The following FOCAD variants were observed in gnomAD, a reference collection of about 807,000 sequenced individuals.
FOCAD encodes KIAA1797.
FOCAD carries 198 observed loss-of-function variants against 225.6 expected under a neutral mutation model. The observed-to-expected ratio is 0.88, with a 90% confidence interval of 0.78 to 0.99. The LOEUF (loss-of-function observed/expected upper bound fraction) is 0.99. Ranked by LOEUF, FOCAD falls within the 50% of genes least tolerant of loss-of-function variation. FOCAD has a pLI of 0.00. For missense variants in FOCAD, 2,713 were observed against 2,123.6 expected (o/e 1.28, Z -5.46); for synonymous variants, 897 against 755.0 (o/e 1.19, Z -3.08).
intron 4 of FOCAD, among the ~76,000 whole-genome samples, chr9:20,721,891 C>CA: frequency 2.0e-3 from 1 of 512 alleles, no homozygotes. Flanking sequence ...TCCCCTTCCT[C>CA]CCCCTCCCCT....
chr9:20,720,641 T>C, intron 4 of FOCAD, 107 bp downstream of exon 4: 1 of 1,129,750 alleles, frequency 8.9e-7, no homozygotes, highest in Non-Finnish European at 1.3e-6. Context: ...CAGTTGTTTT[T>C]CTTGCTCTTA....
intron 11 of FOCAD, among the ~76,000 whole-genome samples, chr9:20,813,591 A>G (rs1823319757): frequency 6.6e-6 from 1 of 152,158 alleles, no homozygotes; most frequent in Admixed American, 6.6e-5. Flanking sequence ...TGTGGTTGGA[A>G]AGGGTACTTA....
chr9:20,737,107 C>T (rs762379458), intron 4 of FOCAD, among the ~76,000 whole-genome samples: 3 of 150,254 alleles, frequency 2.0e-5, no homozygotes, highest in Non-Finnish European at 4.5e-5. Context: ...GAAAATACAG[C>T]ATTGACTCCG....
intron 38 of FOCAD, 52 bp from the exon 39 acceptor site, chr9:20,982,305 G>C (rs2132634442): frequency 8.0e-7 from 1 of 1,249,882 alleles, no homozygotes; most frequent in South Asian, 1.3e-5. Flanking sequence ...AGAACATTTT[G>C]ACCTGTTATT....
At chr9:20,973,709 C>G (rs1198713957) in intron 35 of FOCAD, among the ~76,000 whole-genome samples, 1 of 151,614 alleles carries the variant, frequency 6.6e-6, no homozygotes, top group Admixed American at 6.6e-5. Flanking sequence ...CCCTACTTCC[C>G]TCTTCTTTCA....
intron 15 of FOCAD, among the ~76,000 whole-genome samples, chr9:20,836,894 T>G (rs1191609765): frequency 6.6e-6 from 1 of 152,116 alleles, no homozygotes; most frequent in East Asian, 1.9e-4. Context: ...TTGATTGTTT[T>G]ATTAAGAAAA....
intron 36 of FOCAD, among the ~76,000 whole-genome samples, chr9:20,976,889 G>T (rs1840277893): frequency 6.6e-6 from 1 of 152,126 alleles, no homozygotes; most frequent in Admixed American, 6.6e-5. Flanking sequence ...TACCATGTGG[G>T]ATGCTGTATT....
chr9:20,929,602 G>A lies in FOCAD; in HGVS notation c.3317+6G>A. 1.2e-6 allele frequency: 2 copies of A among 1,610,034 alleles called. No homozygotes were observed. The highest frequency in any genetic ancestry group is 1.1e-5 in the South Asian group (1 of 90,720). On this transcript the variant is annotated splice_donor_region_variant and intron_variant, in intron 27 of 43. Coordinates refer to ENST00000338382, the MANE Select transcript of FOCAD (RefSeq NM_001375567.1). The stretch of plus-strand genomic sequence containing the variant: ...TTGTGTGAAGAGAAACTCAGGTACA[G>A]TTTATTAAAATATTCCTGCTTTTCT...
In FOCAD at chr9:20,976,566, T is replaced by C. The variant is rs777575680; in HGVS notation, c.4261+18T>C. On this transcript the variant is annotated intron_variant, in intron 36 of 43. Transcript: ENST00000338382. Reference sequence around the variant, plus strand: ...AAATTTTGGTAAATATCATGTGTTTTTAAGTCTTCAGACTTTGATTTTAGT... The same window carrying C: ...AAATTTTGGTAAATATCATGTGTTTCTAAGTCTTCAGACTTTGATTTTAGT... The C allele has an allele frequency of 8.1e-6, 13 of 1,610,726 alleles. No homozygotes were observed. In the Admixed American group the frequency reaches 2.2e-4, roughly 27 times the overall value.
Position 20,990,338 on chromosome 9 carries a change from G to C in FOCAD, c.5220G>C (p.Leu1740=). The C allele has an allele frequency of 1.2e-6, 2 of 1,613,960 alleles. No homozygotes were observed. Among genetic ancestry groups the C allele is most frequent in the East Asian group, 2.2e-5 (1 of 44,822 alleles). ...TCCTTCCCAATAGCATGGCTCTGCT[G>C]CTGCAGAAAGAGCCATGGAAGGAAC... ...LTLLPNSMAL[L]LQKEPWKEQT... The change falls in exon 42 of 44, where the codon CTG becomes CTC. Residue 1740 remains leucine (L), a synonymous_variant. Coordinates refer to ENST00000338382, the MANE Select transcript of FOCAD (RefSeq NM_001375567.1).
At chr9:20,923,030 C>T (rs111733056) in intron 24 of FOCAD, among the ~76,000 whole-genome samples, 1 of 152,076 alleles carries the variant, frequency 6.6e-6, no homozygotes, top group African/African-American at 2.4e-5. Flanking sequence ...ACTTTCAGTC[C>T]AAATAGTCTA....
chr9:20,661,595 A>G (rs574964131), intron 2 of FOCAD, among the ~76,000 whole-genome samples: 3 of 152,146 alleles, frequency 2.0e-5, no homozygotes, highest in Non-Finnish European at 4.4e-5. Context: ...TCTTTTTCTC[A>G]CTATCTCTCT....
chr9:20,941,279 A>G (rs1296901337), intron 28 of FOCAD, among the ~76,000 whole-genome samples: 1 of 152,194 alleles, frequency 6.6e-6, no homozygotes, highest in African/African-American at 2.4e-5. Context: ...ATCTAGTGGT[A>G]GCTCATTGTG....
intron 28 of FOCAD, among the ~76,000 whole-genome samples, chr9:20,938,046 G>T (rs1564177345): frequency 1.3e-5 from 2 of 151,948 alleles, no homozygotes; most frequent in African/African-American, 2.4e-5. Context: ...TCTCACACCA[G>T]TTAGAATGGC....
intron 22 of FOCAD, among the ~76,000 whole-genome samples, chr9:20,908,404 C>G (rs1205239851): frequency 6.6e-6 from 1 of 152,144 alleles, no homozygotes; most frequent in Non-Finnish European, 1.5e-5. Context: ...TCTTACAGAT[C>G]TTAGAACTCG....
chr9:20,717,280 G>A (rs1325868645), intron 2 of FOCAD, among the ~76,000 whole-genome samples: 1 of 152,154 alleles, frequency 6.6e-6, no homozygotes, highest in East Asian at 1.9e-4. Flanking sequence ...CCGTAATTTG[G>A]TCCCAAGTGC....
intron 15 of FOCAD, among the ~76,000 whole-genome samples, chr9:20,830,552 G>A (rs1054774297): frequency 1.1e-4 from 16 of 151,622 alleles, no homozygotes; most frequent in Admixed American, 6.6e-4. Context: ...TCTCTAATTC[G>A]TTTACATTTT....
chr9:20,891,035 T>C (rs1329910865), intron 21 of FOCAD, among the ~76,000 whole-genome samples: 3 of 152,132 alleles, frequency 2.0e-5, no homozygotes, highest in African/African-American at 7.2e-5. Context: ...CTGTGTCACA[T>C]TTTGCTAACA....
intron 4 of FOCAD, among the ~76,000 whole-genome samples, chr9:20,731,450 A>C (rs1403356385): frequency 2.6e-5 from 4 of 152,186 alleles, no homozygotes; most frequent in African/African-American, 9.7e-5. Flanking sequence ...ATTTTGTAAA[A>C]AACTAAATAA....
Sources: gnomAD v4.1 joint callset for allele counts (sites outside exome capture counted in the v4.1 genomes callset) on GRCh38, gnomAD v4.1.1 for gene constraint, MANE v1.5 for transcripts, NCBI Gene and HGNC (gene_info 2026-07-23, HGNC 2026-07-21) for gene names.